MEIS1: variants seen among roughly 807,000 people sequenced by gnomAD.
MEIS1 encodes the protein homeobox protein Meis1.
A neutral mutation model predicts 50.8 loss-of-function variants in MEIS1; 5 were observed. The observed-to-expected ratio is 0.10, with a 90% CI of 0.05 to 0.21. The LOEUF is 0.21. MEIS1 is among the 10% of genes least tolerant of loss of function. The pLI is 1.00. For synonymous variants in MEIS1, 176 were observed against 179.3 expected, an observed-to-expected ratio of 0.98 and a Z score of 0.15; for missense variants, 318 against 517.3, an observed-to-expected ratio of 0.61 and a Z score of 3.74.
chr2:66,446,005 C>T (rs1672133985), intron 6 of MEIS1, among the ~76,000 whole-genome samples: 1 of 152,116 alleles, frequency 6.6e-6, no homozygotes, highest in Non-Finnish European at 1.5e-5. Context: ...CCGCCGCGCT[C>T]TCGGCTCGGC....
chr2:66,549,261 G>T (rs934734092), intron 9 of MEIS1, among the ~76,000 whole-genome samples: 1 of 152,046 alleles, frequency 6.6e-6, no homozygotes, highest in Admixed American at 6.6e-5. Context: ...CATAAGAATT[G>T]CTTGTAAGGG....
intron 6 of MEIS1, among the ~76,000 whole-genome samples, chr2:66,460,256 G>A (rs558194647): frequency 6.6e-6 from 1 of 152,250 alleles, no homozygotes; most frequent in Admixed American, 6.5e-5. Context: ...GAAAGGAGAA[G>A]ACAGAGAAGA....
chr2:66,513,794 T>C (rs1424579395), intron 8 of MEIS1, among the ~76,000 whole-genome samples: 1 of 152,190 alleles, frequency 6.6e-6, no homozygotes, highest in African/African-American at 2.4e-5. Context: ...CCACTACTTA[T>C]CTGACACCTG....
chr2:66,443,386 G>A (rs901909455), intron 6 of MEIS1: 12 of 237,014 alleles, frequency 5.1e-5, no homozygotes, highest in Non-Finnish European at 7.2e-5. Context: ...GCTTTGTTCC[G>A]GAGCATTTTT....
chr2:66,515,338 T>G (rs1673938925), intron 8 of MEIS1, among the ~76,000 whole-genome samples: 1 of 152,200 alleles, frequency 6.6e-6, no homozygotes, highest in Non-Finnish European at 1.5e-5. Flanking sequence ...AGTGAAAAAA[T>G]CTGCCCTTGA....
At chr2:66,483,217 T>A (rs1285796433) in intron 7 of MEIS1, among the ~76,000 whole-genome samples, 3 of 100,052 alleles carry the variant, frequency 3.0e-5, no homozygotes, top group African/African-American at 2.1e-4. Context: ...GTTATGCTTA[T>A]TTTTTTTTTT....
At chr2:66,441,754 T>C (rs995374660) in intron 5 of MEIS1, 1 of 385,716 alleles carries the variant, frequency 2.6e-6, no homozygotes, top group African/African-American at 2.1e-5. Context: ...ATGTTTCGAA[T>C]GCTGCTCTGA....
At chr2:66,473,032 T>G (rs969842168) in intron 7 of MEIS1, among the ~76,000 whole-genome samples, 5 of 152,168 alleles carry the variant, frequency 3.3e-5, no homozygotes, top group Non-Finnish European at 7.3e-5. Context: ...ACAAGGGCAG[T>G]GAATTGTATT....
chr2:66,438,588 A>G (rs1671861337), intron 2 of MEIS1, among the ~76,000 whole-genome samples: 1 of 152,228 alleles, frequency 6.6e-6, no homozygotes, highest in Non-Finnish European at 1.5e-5. Context: ...CTCAAAGGCG[A>G]AACCTGCAGG....
At chr2:66,568,812 CTCA>C in intron 11 of MEIS1, 56 bp downstream of exon 11, 1 of 1,439,684 alleles carries the variant, frequency 6.9e-7, no homozygotes, top group Non-Finnish European at 9.8e-7. Flanking sequence ...GTGTCATCCC[CTCA>C]TCAACACAGG....
At chr2:66,445,540 A>G (rs564255321) in intron 6 of MEIS1, among the ~76,000 whole-genome samples, 5 of 152,336 alleles carry the variant, frequency 3.3e-5, no homozygotes, top group African/African-American at 1.2e-4. Flanking sequence ...AATGCAGCCC[A>G]GCCAGTTTGA....
At chr2:66,506,923 C>G (rs575443039) in intron 7 of MEIS1, among the ~76,000 whole-genome samples, 1 of 152,280 alleles carries the variant, frequency 6.6e-6, no homozygotes, top group African/African-American at 2.4e-5. Context: ...CCCAGCCTTT[C>G]CATATTGATG....
At chr2:66,552,339 G>A (rs1674942181) in intron 9 of MEIS1, among the ~76,000 whole-genome samples, 1 of 152,052 alleles carries the variant, frequency 6.6e-6, no homozygotes, top group East Asian at 1.9e-4. Context: ...TTCCTATTAA[G>A]TTCTGATATT....
At chr2:66,564,435 G>A (rs1675290162) in intron 9 of MEIS1, among the ~76,000 whole-genome samples, 1 of 152,168 alleles carries the variant, frequency 6.6e-6, no homozygotes, top group Non-Finnish European at 1.5e-5. Context: ...CGTTGGTGTT[G>A]TCCACTGCAA....
intron 7 of MEIS1, among the ~76,000 whole-genome samples, chr2:66,470,373 A>G (rs1231328767): frequency 2.0e-5 from 3 of 152,206 alleles, no homozygotes; most frequent in East Asian, 3.8e-4. Flanking sequence ...TGCTCCACAA[A>G]TGGCCGTTAT....
At chr2:66,487,546 A>G (rs1378688945) in intron 7 of MEIS1, among the ~76,000 whole-genome samples, 3 of 152,218 alleles carry the variant, frequency 2.0e-5, no homozygotes, top group Non-Finnish European at 4.4e-5. Context: ...TTCAGAATAC[A>G]GTTGTGTTTG....
At chr2:66,436,201 G>A (rs1452585177) in intron 1 of MEIS1, among the ~76,000 whole-genome samples, 1 of 152,074 alleles carries the variant, frequency 6.6e-6, no homozygotes, top group East Asian at 1.9e-4. Flanking sequence ...GAAGTTTAAA[G>A]TTATGTTTAA....
At chr2:66,471,486 G>T (rs2103761285) in intron 7 of MEIS1, among the ~76,000 whole-genome samples, 1 of 152,252 alleles carries the variant, frequency 6.6e-6, no homozygotes, top group Middle Eastern at 3.4e-3. Context: ...TTAAAATTTT[G>T]TTGTTGCTGT....
rs537235460 is a variant in MEIS1 at position 66,538,865 on chromosome 2, A to G, written c.889-9078A>G. Reference sequence around the variant, plus strand: ...GAAATAGTAGGCATTTGATTCTATGATCCTTAAAAGAGTTTTTTTTTTTTT... The same window carrying G: ...GAAATAGTAGGCATTTGATTCTATGGTCCTTAAAAGAGTTTTTTTTTTTTT... On this transcript the variant is annotated intron_variant, in intron 8 of 12. Coordinates refer to ENST00000272369, the MANE Select transcript of MEIS1 (RefSeq NM_002398.3). Among the ~76,000 whole-genome samples, 3 of 152,122 alleles carry G rather than the reference A, an allele frequency of 2.0e-5. No homozygotes were observed. The Middle Eastern group carries it at 0.01, about 517-fold the overall frequency.
Sources: gnomAD v4.1 joint callset for allele counts (sites outside exome capture counted in the v4.1 genomes callset) on GRCh38, gnomAD v4.1.1 for gene constraint, MANE v1.5 for transcripts, NCBI Gene and HGNC (gene_info 2026-07-23, HGNC 2026-07-21) for gene names.